ROR1: variants seen among roughly 807,000 people sequenced by gnomAD.
ROR1 encodes the protein ROR family WNT receptor 1.
A neutral mutation model predicts 78.8 loss-of-function variants in ROR1; 19 were observed. That is an observed-to-expected ratio of 0.24 (90% CI 0.17 to 0.35). ROR1 has a LOEUF of 0.35. Among genes scored for constraint, ROR1 ranks in the 10% least tolerant of loss-of-function variants. The pLI is 1.00. For synonymous variants in ROR1, 386 were observed against 433.6 expected, an observed-to-expected ratio of 0.89 and a Z score of 1.36; for missense variants, 917 against 1,177.8, an observed-to-expected ratio of 0.78 and a Z score of 3.24.
At chr1:63,787,589 C>T (rs1456985939) in intron 1 of ROR1, among the ~76,000 whole-genome samples, 4 of 150,104 alleles carry the variant, frequency 2.7e-5, no homozygotes, top group East Asian at 2.0e-4. Context: ...TGCAATGGTG[C>T]GATCTCAGCT....
chr1:63,774,539 C>T lies in ROR1; in HGVS notation c.91+31C>T. On this transcript the variant is annotated intron_variant, in intron 1 of 8. Transcript: ENST00000371079. The surrounding 1 kb of genome is among the most constrained non-coding windows in gnomAD (Gnocchi z 5.7). ...AGGCGCCCGCCGGCCCCCGCCCGCC[C>T]AGACCCCCTGACCCGTGGCCACCCT... The T allele has an allele frequency of 9.6e-7, 1 of 1,036,306 alleles. No homozygotes were observed. The highest frequency in any genetic ancestry group is 1.2e-6 in the Non-Finnish European group (1 of 855,616). 64.2% of individuals were successfully genotyped at this position (1,036,306 alleles called of 1,614,324 possible). A position where few individuals can be genotyped will look rare whatever the true frequency, so the allele number is the denominator to read the frequency against.
chr1:64,157,199 G>A (rs988893318), intron 7 of ROR1, among the ~76,000 whole-genome samples: 15 of 152,072 alleles, frequency 9.9e-5, no homozygotes, highest in Non-Finnish European at 1.0e-4. Flanking sequence ...GTGCAGTGGC[G>A]CAATCACAGC....
intron 1 of ROR1, among the ~76,000 whole-genome samples, chr1:63,922,418 A>G (rs1277294475): frequency 3.3e-5 from 5 of 151,722 alleles, no homozygotes; most frequent in African/African-American, 1.2e-4. Flanking sequence ...TCATAAGACT[A>G]TAAAGTTAGC....
chr1:63,994,999 C>G (rs1220310583), intron 1 of ROR1, among the ~76,000 whole-genome samples: 2 of 152,166 alleles, frequency 1.3e-5, no homozygotes, highest in Non-Finnish European at 2.9e-5. Flanking sequence ...TTGGCAAATC[C>G]AAAGGTGGTC....
At chr1:64,090,088 A>G (rs148800714) in intron 4 of ROR1, among the ~76,000 whole-genome samples, 1 of 151,904 alleles carries the variant, frequency 6.6e-6, no homozygotes, top group South Asian at 2.1e-4. Flanking sequence ...AGTCCATTAA[A>G]CCTCTTTTTC....
intron 1 of ROR1, among the ~76,000 whole-genome samples, chr1:63,932,398 C>A (rs1645760438): frequency 6.6e-6 from 1 of 152,122 alleles, no homozygotes; most frequent in Non-Finnish European, 1.5e-5. Context: ...CAGGTCTCGG[C>A]AAGAATAGCC....
At chr1:63,996,798 A>T (rs919805246) in intron 1 of ROR1, among the ~76,000 whole-genome samples, 1 of 152,148 alleles carries the variant, frequency 6.6e-6, no homozygotes, top group South Asian at 2.1e-4. Flanking sequence ...AAGGGACTTT[A>T]CCAGCAGTGC....
At chr1:63,822,955 C>T (rs2819147) in intron 1 of ROR1, among the ~76,000 whole-genome samples, 3,537 of 151,906 alleles carry the variant, frequency 0.023, 135 homozygotes, top group African/African-American at 0.081. Flanking sequence ...GAAATGTATT[C>T]CCCTCTCTGT....
At chr1:63,934,385 C>G (rs939751831) in intron 1 of ROR1, among the ~76,000 whole-genome samples, 4 of 152,148 alleles carry the variant, frequency 2.6e-5, no homozygotes, top group African/African-American at 9.7e-5. Context: ...GCTGGTGACA[C>G]CAACCTCATG....
chr1:63,852,119 C>T (rs1034289600), intron 1 of ROR1, among the ~76,000 whole-genome samples: 1 of 152,220 alleles, frequency 6.6e-6, no homozygotes, highest in African/African-American at 2.4e-5. Flanking sequence ...ATTAAATATA[C>T]ATATATTTTT....
chr1:64,037,553 T>C (rs1352141117), intron 2 of ROR1, among the ~76,000 whole-genome samples: 1 of 152,158 alleles, frequency 6.6e-6, no homozygotes, highest in Admixed American at 6.5e-5. Context: ...CTAGGCTCTA[T>C]GGTTAATAAG....
intron 2 of ROR1, among the ~76,000 whole-genome samples, chr1:64,019,535 T>A (rs1021614423): frequency 6.6e-6 from 1 of 152,188 alleles, no homozygotes; most frequent in African/African-American, 2.4e-5. Flanking sequence ...TGATATATTT[T>A]TAAAATATCT....
chr1:63,897,849 C>T lies in ROR1; in HGVS notation c.92-111456C>T, dbSNP rs551833484. On this transcript the variant is annotated intron_variant, in intron 1 of 8. Coordinates refer to ENST00000371079, the MANE Select transcript of ROR1 (RefSeq NM_005012.4). Reference sequence around the variant, plus strand: ...AAGTACATTTCTTGCTCATGTAAAGCCCAACTTGAAGTAGATTGAATGACC... The same window carrying T: ...AAGTACATTTCTTGCTCATGTAAAGTCCAACTTGAAGTAGATTGAATGACC... 3.9e-5 allele frequency among the ~76,000 whole-genome samples: 6 copies of T among 152,304 alleles called. No homozygotes were observed. In the East Asian group the frequency reaches 1.2e-3, roughly 29 times the overall value.
chr1:63,779,713 T>A (rs1467095633), intron 1 of ROR1, among the ~76,000 whole-genome samples: 1 of 152,178 alleles, frequency 6.6e-6, no homozygotes, highest in Non-Finnish European at 1.5e-5. Flanking sequence ...AGGAATGGGA[T>A]AATTGTGGCA....
chr1:64,100,864 C>T (rs1216115615), intron 4 of ROR1, among the ~76,000 whole-genome samples: 2 of 152,164 alleles, frequency 1.3e-5, no homozygotes, highest in Non-Finnish European at 2.9e-5. Flanking sequence ...GTAAGTGCCC[C>T]CTCTGTGCCT....
intron 1 of ROR1, among the ~76,000 whole-genome samples, chr1:63,822,580 T>A (rs1452079620): frequency 6.6e-6 from 1 of 152,240 alleles, no homozygotes. Context: ...TGTAAATACC[T>A]GATTTTAAAA....
chr1:63,952,805 G>A (rs1283996231), intron 1 of ROR1, among the ~76,000 whole-genome samples: 1 of 152,088 alleles, frequency 6.6e-6, no homozygotes, highest in African/African-American at 2.4e-5. Flanking sequence ...TGATGGAAGG[G>A]GTAGAGGATC....
At chr1:64,099,167 C>A (rs878953266) in intron 4 of ROR1, among the ~76,000 whole-genome samples, 5 of 152,156 alleles carry the variant, frequency 3.3e-5, no homozygotes, top group Admixed American at 3.3e-4. Flanking sequence ...ATATCCTGCT[C>A]ACAGTGCATG....
chr1:64,090,944 A>G (rs1029101169), intron 4 of ROR1, among the ~76,000 whole-genome samples: 4 of 152,174 alleles, frequency 2.6e-5, no homozygotes, highest in African/African-American at 9.7e-5. Context: ...TTTTTAATGT[A>G]TAATTCAAGT....
Sources: gnomAD v4.1 joint callset for allele counts (sites outside exome capture counted in the v4.1 genomes callset) on GRCh38, gnomAD v4.1.1 for gene constraint, Gnocchi (gnomAD v3.1) non-coding constraint, MANE v1.5 for transcripts, NCBI Gene and HGNC (gene_info 2026-07-23, HGNC 2026-07-21) for gene names.